RUNX1T1: variants seen among roughly 807,000 people sequenced by gnomAD.
RUNX1T1 encodes RUNX1 partner transcriptional co-repressor 1.
A neutral mutation model predicts 62.8 loss-of-function variants in RUNX1T1; 4 were observed. The ratio of observed to expected loss-of-function variants is 0.06; its 90% confidence interval spans 0.03 to 0.15. The LOEUF (loss-of-function observed/expected upper bound fraction) is 0.15. RUNX1T1 is among the 10% of genes least tolerant of loss of function. The probability of loss-of-function intolerance (pLI) is 1.00; values close to 1 mark genes in which losing one functional copy is unlikely to be tolerated. For missense variants in RUNX1T1, 508 were observed against 754.3 expected (o/e 0.67, Z 3.82); for synonymous variants, 291 against 286.0 (o/e 1.02, Z -0.18).
At chr8:92,097,521 C>T (rs1322822259) in intron 1 of RUNX1T1, among the ~76,000 whole-genome samples, 1 of 152,074 alleles carries the variant, frequency 6.6e-6, no homozygotes, top group Admixed American at 6.6e-5. Flanking sequence ...CATACAAACA[C>T]CTAAAAATCC....
intron 1 of RUNX1T1, among the ~76,000 whole-genome samples, chr8:92,083,871 C>T (rs531033319): frequency 3.0e-4 from 46 of 152,202 alleles, no homozygotes; most frequent in Non-Finnish European, 5.4e-4. Flanking sequence ...AATGACAGAC[C>T]GGATAAAGAA....
At position 91,987,875 on chromosome 8, in the gene RUNX1T1, T is replaced by C. The variant is rs560679398; in HGVS notation, c.911-903A>G. ...AAAGCCCCTGGGCTGTGGCATTATTTTGCATTTTAAATGATCAAAACTATT... is the reference window on the plus strand; with the variant it reads ...AAAGCCCCTGGGCTGTGGCATTATTCTGCATTTTAAATGATCAAAACTATT... On this transcript the variant is annotated intron_variant, in intron 6 of 10. Transcript: ENST00000396218. Among the ~76,000 whole-genome samples, 10 of 152,258 alleles carry C rather than the reference T, an allele frequency of 6.6e-5. No homozygotes were observed. In the South Asian group the frequency reaches 2.1e-3, roughly 32 times the overall value.
chr8:92,018,040 T>C (rs929754977), intron 1 of RUNX1T1, among the ~76,000 whole-genome samples: 6 of 152,150 alleles, frequency 3.9e-5, no homozygotes, highest in African/African-American at 1.4e-4. Context: ...ATTAATAATC[T>C]CAAACAGAGT....
chr8:91,995,476 C>T (rs939183310), intron 5 of RUNX1T1, among the ~76,000 whole-genome samples: 1 of 152,172 alleles, frequency 6.6e-6, no homozygotes. Flanking sequence ...GGATAGTTTA[C>T]ATTCTAACAG....
chr8:92,066,453 C>T (rs1401903331), upstream of RUNX1T1, among the ~76,000 whole-genome samples: 1 of 152,142 alleles, frequency 6.6e-6, no homozygotes, highest in Non-Finnish European at 1.5e-5. Flanking sequence ...TTTTGTCAGA[C>T]CCCAAAGGTT....
At chr8:91,997,725 C>A (rs1203998605) in intron 5 of RUNX1T1, among the ~76,000 whole-genome samples, 1 of 152,120 alleles carries the variant, frequency 6.6e-6, no homozygotes, top group Non-Finnish European at 1.5e-5. Flanking sequence ...CCTTGTCACA[C>A]CATGGTCCCA....
chr8:92,064,141 T>G (rs1032005574), upstream of RUNX1T1, among the ~76,000 whole-genome samples: 2 of 152,250 alleles, frequency 1.3e-5, no homozygotes, highest in African/African-American at 4.8e-5. Flanking sequence ...GCACACAACC[T>G]GTTTCAAAGC....
chr8:92,073,015 CAA>C (rs1010803530), intron 2 of RUNX1T1, among the ~76,000 whole-genome samples: 1 of 152,002 alleles, frequency 6.6e-6, no homozygotes, highest in African/African-American at 2.4e-5. Context: ...GCACTCTTTG[CAA>C]AAAAAGTTTC....
intron 2 of RUNX1T1, among the ~76,000 whole-genome samples, chr8:92,075,114 G>A (rs1834226889): frequency 1.3e-5 from 2 of 152,144 alleles, no homozygotes; most frequent in Non-Finnish European, 2.9e-5. Context: ...TGAGTATTTC[G>A]CTCCCCCTCT....
At chr8:92,017,555 G>T in intron 1 of RUNX1T1, 192 bp from the exon 3 acceptor site, 1 of 1,459,234 alleles carries the variant, frequency 6.9e-7, no homozygotes, top group South Asian at 1.4e-5. Context: ...TAGCACAGAT[G>T]GCAGGACCTC....
intron 5 of RUNX1T1, among the ~76,000 whole-genome samples, chr8:91,997,650 A>C (rs550407192): frequency 6.6e-6 from 1 of 152,134 alleles, no homozygotes; most frequent in South Asian, 2.1e-4. Flanking sequence ...TCCAAGTCCT[A>C]TTGCTGATCT....
chr8:92,082,654 A>G (rs974826900), intron 1 of RUNX1T1, among the ~76,000 whole-genome samples: 1 of 152,192 alleles, frequency 6.6e-6, no homozygotes, highest in African/African-American at 2.4e-5. Flanking sequence ...GAGACTCTTT[A>G]CCATTTCCGC....
intron 1 of RUNX1T1, among the ~76,000 whole-genome samples, chr8:92,041,602 C>G (rs1463135057): frequency 6.6e-6 from 1 of 151,914 alleles, no homozygotes; most frequent in Non-Finnish European, 1.5e-5. Flanking sequence ...ATTAGCTGGG[C>G]GTGGTGGCAT....
chr8:91,999,482 G>A (rs923263960), intron 5 of RUNX1T1, among the ~76,000 whole-genome samples: 4 of 152,164 alleles, frequency 2.6e-5, no homozygotes, highest in African/African-American at 9.7e-5. Flanking sequence ...CATTCAATAA[G>A]TTAATCAAAG....
At chr8:91,983,223 G>T (rs1036073373) in intron 8 of RUNX1T1, among the ~76,000 whole-genome samples, 1 of 151,882 alleles carries the variant, frequency 6.6e-6, no homozygotes, top group Non-Finnish European at 1.5e-5. Flanking sequence ...GTGAGCCACT[G>T]TGCCCAGCCA....
chr8:92,069,538 C>T (rs1476962193), intron 2 of RUNX1T1, among the ~76,000 whole-genome samples: 1 of 152,098 alleles, frequency 6.6e-6, no homozygotes, highest in Non-Finnish European at 1.5e-5. Context: ...TAATCTGCCA[C>T]GTTTATAAAC....
In RUNX1T1 at chr8:91,971,520, A is replaced by G. The variant is rs921741584; in HGVS notation, c.1268-672T>C. 5.3e-5 allele frequency among the ~76,000 whole-genome samples: 8 copies of G among 152,242 alleles called. No individual in the cohort carries two copies. In the East Asian group the frequency reaches 1.3e-3, roughly 26 times the overall value. ...ACTCAGATAGCAATTAAGTTACTATAGACCTTTTAATGAAAAATCAATGCT... is the reference window on the plus strand; with the variant it reads ...ACTCAGATAGCAATTAAGTTACTATGGACCTTTTAATGAAAAATCAATGCT... On this transcript the variant is annotated intron_variant, in intron 9 of 10. Coordinates refer to ENST00000396218, the Ensembl canonical transcript of RUNX1T1.
upstream of RUNX1T1, among the ~76,000 whole-genome samples, chr8:92,065,354 T>G (rs1462226526): frequency 6.6e-6 from 1 of 152,180 alleles, no homozygotes; most frequent in Non-Finnish European, 1.5e-5. Flanking sequence ...AGGAAACATA[T>G]TTTATAAAAC....
intron 2 of RUNX1T1, among the ~76,000 whole-genome samples, chr8:92,070,837 G>A (rs1444594986): frequency 6.6e-6 from 1 of 152,198 alleles, no homozygotes; most frequent in African/African-American, 2.4e-5. Context: ...CTGCATGACA[G>A]AATCCTAATG....
Sources: allele counts gnomAD v4.1 joint callset (sites outside exome capture counted in the v4.1 genomes callset), GRCh38; gene constraint gnomAD v4.1.1; transcripts MANE v1.5; gene names NCBI Gene and HGNC (gene_info 2026-07-23, HGNC 2026-07-21).